ADAMTS17: variants seen among roughly 807,000 people sequenced by gnomAD.
ADAMTS17 encodes the protein A disintegrin and metalloproteinase with thrombospondin motifs 17.
A neutral mutation model predicts 141.5 loss-of-function variants in ADAMTS17; 113 were observed. The ratio of observed to expected loss-of-function variants is 0.80; its 90% CI spans 0.69 to 0.93. ADAMTS17 has a LOEUF of 0.93. ADAMTS17 is among the 40% of genes least tolerant of loss of function. ADAMTS17 has a pLI of 0.00. For synonymous variants in ADAMTS17, 768 were observed against 630.6 expected (o/e 1.22, Z -3.27); for missense variants, 1,659 against 1,517.9 (o/e 1.09, Z -1.54).
chr15:100,287,343 A>C (rs1416106483), intron 3 of ADAMTS17, among the ~76,000 whole-genome samples: 1 of 152,214 alleles, frequency 6.6e-6, no homozygotes, highest in Non-Finnish European at 1.5e-5. Context: ...AGACAAGCTA[A>C]AGAAAAAAAG....
intron 11 of ADAMTS17, among the ~76,000 whole-genome samples, chr15:100,132,878 T>G (rs1398939095): frequency 6.6e-6 from 1 of 152,232 alleles, no homozygotes; most frequent in East Asian, 1.9e-4. Flanking sequence ...CACTGAATTA[T>G]TTTTACGAGA....
At chr15:100,111,889 C>T (rs1200875923) in intron 13 of ADAMTS17, among the ~76,000 whole-genome samples, 2 of 152,200 alleles carry the variant, frequency 1.3e-5, no homozygotes, top group Non-Finnish European at 2.9e-5. Context: ...GGCAGGGTCA[C>T]GCCCCGCCTC....
intron 3 of ADAMTS17, among the ~76,000 whole-genome samples, chr15:100,308,161 G>A (rs1410099270): frequency 1.3e-5 from 2 of 152,072 alleles, no homozygotes; most frequent in African/African-American, 2.4e-5. Flanking sequence ...GGAGCAAAAC[G>A]GTCTCCGCTT....
chr15:100,154,208 T>G (rs1203526495), intron 9 of ADAMTS17, among the ~76,000 whole-genome samples: 1 of 151,750 alleles, frequency 6.6e-6, no homozygotes, highest in African/African-American at 2.4e-5. Context: ...ACCCAACCCA[T>G]CTCGTGGCCA....
chr15:100,263,770 T>TA (rs1406160963), intron 4 of ADAMTS17, among the ~76,000 whole-genome samples: 1 of 152,252 alleles, frequency 6.6e-6, no homozygotes, highest in Non-Finnish European at 1.5e-5. Flanking sequence ...ACTTGGTTTT[T>TA]ACCTATAGAC....
At chr15:100,288,392 G>C (rs2044517042) in intron 3 of ADAMTS17, among the ~76,000 whole-genome samples, 1 of 152,136 alleles carries the variant, frequency 6.6e-6, no homozygotes, top group Admixed American at 6.5e-5. Flanking sequence ...CCTACAAAGA[G>C]ACACAGATAA....
intron 6 of ADAMTS17, among the ~76,000 whole-genome samples, chr15:100,261,192 A>G (rs1055902159): frequency 6.6e-6 from 1 of 152,292 alleles, no homozygotes; most frequent in African/African-American, 2.4e-5. Context: ...CATGACTGTT[A>G]TATTTATAGG....
At chr15:100,045,713 G>C (rs1750878457) in intron 18 of ADAMTS17, among the ~76,000 whole-genome samples, 1 of 152,090 alleles carries the variant, frequency 6.6e-6, no homozygotes, top group Admixed American at 6.6e-5. Context: ...TCCTCTGATG[G>C]CTTAACCAGT....
intron 18 of ADAMTS17, among the ~76,000 whole-genome samples, chr15:100,012,022 G>A (rs1489925266): frequency 6.6e-6 from 1 of 152,180 alleles, no homozygotes; most frequent in Non-Finnish European, 1.5e-5. Context: ...GTGTAGAAGT[G>A]TTCCCTGATC....
At chr15:100,160,748 T>C (rs1216969086) in intron 8 of ADAMTS17, among the ~76,000 whole-genome samples, 1 of 152,156 alleles carries the variant, frequency 6.6e-6, no homozygotes, top group African/African-American at 2.4e-5. Context: ...GTGGGATTCT[T>C]GGGTTTCTGG....
intron 7 of ADAMTS17, among the ~76,000 whole-genome samples, chr15:100,239,812 G>A (rs1217796600): frequency 6.6e-6 from 1 of 152,166 alleles, no homozygotes; most frequent in East Asian, 1.9e-4. Flanking sequence ...AGTCAGGTGG[G>A]AATTCCATCA....
In ADAMTS17 at chr15:100,077,332, C is replaced by T. The variant is rs539319156; in HGVS notation, c.2137+19024G>A. ...AAAAAATTAGCCTGGCATGGTGGTGCGTGCCTGTAATCCCAGCTACTCAGG... is the reference window on the plus strand; with the variant it reads ...AAAAAATTAGCCTGGCATGGTGGTGTGTGCCTGTAATCCCAGCTACTCAGG... On this transcript the variant is annotated intron_variant, in intron 15 of 21. Coordinates refer to ENST00000268070, the MANE Select transcript of ADAMTS17 (RefSeq NM_139057.4). Among the ~76,000 whole-genome samples the T allele has an allele frequency of 2.6e-3, 362 of 139,390 alleles. 2 individuals carry two copies. The highest frequency in any genetic ancestry group is 3.6e-3 in the Non-Finnish European group (238 of 65,478). 91.4% of individuals were successfully genotyped at this position (139,390 alleles called of 152,430 possible). A position where few individuals can be genotyped will look rare whatever the true frequency, so the allele number is the denominator to read the frequency against.
intron 17 of ADAMTS17, 64 bp from the exon 18 acceptor site, chr15:100,049,056 G>C: frequency 6.2e-7 from 1 of 1,612,204 alleles, no homozygotes; most frequent in East Asian, 2.2e-5. Flanking sequence ...GGCTGGGCTT[G>C]CATGCCCATG....
chr15:100,216,692 C>G (rs1305290982), intron 7 of ADAMTS17, among the ~76,000 whole-genome samples: 2 of 152,194 alleles, frequency 1.3e-5, no homozygotes, highest in African/African-American at 4.8e-5. Flanking sequence ...TACCAAGCTA[C>G]CGGGATGCTT....
rs766487312 is a variant in ADAMTS17, at chr15:100,118,918, G to A, written c.1722-1905C>T. 2.6e-5 allele frequency among the ~76,000 whole-genome samples: 4 copies of A among 152,116 alleles called. No homozygotes were observed. The East Asian group carries it at 5.8e-4, about 22-fold the overall frequency. On this transcript the variant is annotated intron_variant, in intron 12 of 21. Transcript: ENST00000268070. Reference sequence around the variant, plus strand: ...GTCCTAACCTCTAGTGCCTCAGAGTGCAACCCGATTTGGAAACAGGGTCAA... The same window carrying A: ...GTCCTAACCTCTAGTGCCTCAGAGTACAACCCGATTTGGAAACAGGGTCAA...
At chr15:100,222,319 T>C (rs963882171) in intron 7 of ADAMTS17, among the ~76,000 whole-genome samples, 1 of 152,158 alleles carries the variant, frequency 6.6e-6, no homozygotes, top group Admixed American at 6.5e-5. Context: ...CTTAATACCA[T>C]GCTGGCGGGC....
At chr15:100,327,544 C>T (rs1271835967) in intron 3 of ADAMTS17, among the ~76,000 whole-genome samples, 2 of 152,092 alleles carry the variant, frequency 1.3e-5, no homozygotes, top group African/African-American at 4.8e-5. Flanking sequence ...GTGAAATACA[C>T]CATGGGGGAG....
intron 18 of ADAMTS17, among the ~76,000 whole-genome samples, chr15:100,011,036 G>A (rs2061156141): frequency 6.6e-6 from 1 of 151,948 alleles, no homozygotes. Flanking sequence ...CGTGCAGAGA[G>A]GCCCCGCGAC....
At chr15:100,093,842 C>T (rs141658970) in intron 15 of ADAMTS17, among the ~76,000 whole-genome samples, 25 of 152,210 alleles carry the variant, frequency 1.6e-4, no homozygotes, top group Non-Finnish European at 3.1e-4. Flanking sequence ...GTATACCTAG[C>T]GGTTAAAATG....
Sources: gnomAD v4.1 joint callset for allele counts (sites outside exome capture counted in the v4.1 genomes callset) on GRCh38, gnomAD v4.1.1 for gene constraint, MANE v1.5 for transcripts, NCBI Gene and HGNC (gene_info 2026-07-23, HGNC 2026-07-21) for gene names.